Variants in HORMAD2 observed in about 807,000 individuals in gnomAD.
HORMAD2 encodes HORMA domain containing 2.
HORMAD2 carries 45 observed loss-of-function variants against 38.8 expected under a neutral mutation model. That is an observed-to-expected ratio of 1.16 (90% CI 0.91 to 1.49). The LOEUF is 1.49. HORMAD2 is among the 40% of genes most tolerant of loss of function. The pLI, the probability that HORMAD2 is intolerant of heterozygous loss-of-function variation, is 0.00. For synonymous variants in HORMAD2, 126 were observed against 122.8 expected, an observed-to-expected ratio of 1.03 and a Z score of -0.17; for missense variants, 338 against 367.0, an observed-to-expected ratio of 0.92 and a Z score of 0.65.
At chr22:30,161,828 G>T (rs1925456919) in intron 10 of HORMAD2, among the ~76,000 whole-genome samples, 1 of 151,956 alleles carries the variant, frequency 6.6e-6, no homozygotes, top group African/African-American at 2.4e-5. Context: ...AGAGATTAAA[G>T]TAATAAAAAT....
chr22:30,156,907 A>G (rs905315975), intron 10 of HORMAD2, among the ~76,000 whole-genome samples: 1 of 152,186 alleles, frequency 6.6e-6, no homozygotes, highest in Non-Finnish European at 1.5e-5. Flanking sequence ...ATATAAACTA[A>G]CCATTCCAAG....
chr22:30,187,084 T>A, the HORMAD2 span, among the ~76,000 whole-genome samples: 1 of 152,288 alleles, frequency 6.6e-6, no homozygotes, highest in Non-Finnish European at 1.5e-5. Context: ...TATAATAAAA[T>A]GTGAATGTCG....
At chr22:30,203,750 A>G in the HORMAD2 span, among the ~76,000 whole-genome samples, 1 of 152,156 alleles carries the variant, frequency 6.6e-6, no homozygotes, top group Non-Finnish European at 1.5e-5. Flanking sequence ...CTCACGCAAA[A>G]CACACATGTT....
intron 10 of HORMAD2, among the ~76,000 whole-genome samples, chr22:30,175,026 C>T (rs1926345380): frequency 6.6e-6 from 1 of 151,630 alleles, no homozygotes; most frequent in Non-Finnish European, 1.5e-5. Context: ...TGAATTAGTA[C>T]TTAAGTTAGC....
At chr22:30,142,052 C>T (rs986530299) in intron 10 of HORMAD2, among the ~76,000 whole-genome samples, 44 of 152,096 alleles carry the variant, frequency 2.9e-4, no homozygotes, top group African/African-American at 1.0e-3. Flanking sequence ...GAGTTTGAGA[C>T]TAGCCTGAGC....
At chr22:30,159,684 C>T (rs773032084) in intron 10 of HORMAD2, among the ~76,000 whole-genome samples, 4 of 152,166 alleles carry the variant, frequency 2.6e-5, no homozygotes, top group Non-Finnish European at 5.9e-5. Flanking sequence ...AATGACACCC[C>T]TGGGGTTGAG....
In HORMAD2 at chr22:30,141,143, A is replaced by G. The variant is rs1924041227; in HGVS notation, c.819+18929A>G. Among the ~76,000 whole-genome samples the G allele has an allele frequency of 2.0e-5, 3 of 151,884 alleles. 1 individual carries two copies. In the South Asian group the frequency reaches 6.2e-4, roughly 32 times the overall value. On this transcript the variant is annotated intron_variant, in intron 10 of 10. Transcript: ENST00000336726. ...CTCCTGAGTAGCTGGGATTACAGGC[A>G]TGCACCACCATGTCCAGCTAATTTT...
At chr22:30,171,814 T>G (rs1332166015) in intron 10 of HORMAD2, among the ~76,000 whole-genome samples, 3 of 152,014 alleles carry the variant, frequency 2.0e-5, no homozygotes. Flanking sequence ...TTTTTTAATC[T>G]GGGATCTGAA....
At chr22:30,126,470 T>G (rs8135823) in intron 10 of HORMAD2, among the ~76,000 whole-genome samples, 31,620 of 152,030 alleles carry the variant, frequency 0.21, 3,807 homozygotes, top group Middle Eastern at 0.38. Flanking sequence ...CAGGGCCGAG[T>G]ATGGACCATT....
At chr22:30,204,986 C>T in the HORMAD2 span, among the ~76,000 whole-genome samples, 1 of 152,250 alleles carries the variant, frequency 6.6e-6, no homozygotes, top group South Asian at 2.1e-4. Context: ...GGAGCCGGCC[C>T]GGGGTGGCGG....
At chr22:30,201,519 G>T in the HORMAD2 span, among the ~76,000 whole-genome samples, 1 of 147,066 alleles carries the variant, frequency 6.8e-6, no homozygotes, top group Non-Finnish European at 1.5e-5. Context: ...CGGGGTTCAC[G>T]CCATTCTCCT....
chr22:30,143,611 C>T (rs1171191572), intron 10 of HORMAD2, among the ~76,000 whole-genome samples: 2 of 152,066 alleles, frequency 1.3e-5, no homozygotes, highest in African/African-American at 4.8e-5. Flanking sequence ...TTCTCCATGT[C>T]TTTGGTTTTC....
At chr22:30,165,966 T>C (rs914322919) in intron 10 of HORMAD2, among the ~76,000 whole-genome samples, 16 of 151,372 alleles carry the variant, frequency 1.1e-4, no homozygotes, top group Non-Finnish European at 2.9e-5. Flanking sequence ...ATTATTATTA[T>C]TCTTTTTCTT....
chr22:30,190,184 A>G, the HORMAD2 span, among the ~76,000 whole-genome samples: 5 of 152,140 alleles, frequency 3.3e-5, no homozygotes, highest in Admixed American at 2.0e-4. Context: ...TTGGAATGCT[A>G]TATACATATC....
chr22:30,191,863 C>T, the HORMAD2 span, among the ~76,000 whole-genome samples: 2 of 151,966 alleles, frequency 1.3e-5, no homozygotes, highest in Admixed American at 6.6e-5. Flanking sequence ...GATTAATCAT[C>T]TGTCCATACC....
intron 3 of HORMAD2, among the ~76,000 whole-genome samples, chr22:30,099,242 A>G (rs1920928279): frequency 6.6e-6 from 1 of 152,224 alleles, no homozygotes; most frequent in Non-Finnish European, 1.5e-5. Context: ...CAAGTCCAGT[A>G]TAAAAGCAAC....
intron 10 of HORMAD2, among the ~76,000 whole-genome samples, chr22:30,143,032 C>T (rs1318345858): frequency 1.3e-5 from 2 of 152,142 alleles, no homozygotes; most frequent in East Asian, 3.9e-4. Context: ...TTAATTGGTA[C>T]TTTATCATCT....
At chr22:30,147,888 T>C (rs943295886) in intron 10 of HORMAD2, among the ~76,000 whole-genome samples, 1 of 152,186 alleles carries the variant, frequency 6.6e-6, no homozygotes, top group Non-Finnish European at 1.5e-5. Context: ...GGTGGAAGGA[T>C]TACTTGAGCC....
intron 10 of HORMAD2, among the ~76,000 whole-genome samples, chr22:30,162,772 G>A (rs553075678): frequency 8.8e-5 from 13 of 147,948 alleles, no homozygotes; most frequent in Admixed American, 7.5e-4. Flanking sequence ...GCGCAATCTC[G>A]GCTCACTGCA....
Sources: gnomAD v4.1 joint callset for allele counts (sites outside exome capture counted in the v4.1 genomes callset) on GRCh38, gnomAD v4.1.1 for gene constraint, MANE v1.5 for transcripts, NCBI Gene and HGNC (gene_info 2026-07-23, HGNC 2026-07-21) for gene names.